LAMC1: variants seen among roughly 807,000 people sequenced by gnomAD.
LAMC1 encodes laminin subunit gamma 1.
In LAMC1, 38 loss-of-function variants were observed where a neutral mutation model predicts 173.6. That is an observed-to-expected ratio of 0.22 (90% CI 0.17 to 0.29). The LOEUF (loss-of-function observed/expected upper bound fraction) is 0.29. Among genes scored for constraint, LAMC1 ranks in the 10% least tolerant of loss-of-function variants. The pLI is 1.00. For missense variants in LAMC1, 1,824 were observed against 2,051.8 expected, an observed-to-expected ratio of 0.89 and a Z score of 2.14; for synonymous variants, 746 against 749.1, an observed-to-expected ratio of 1.00 and a Z score of 0.07.
At chr1:183,046,082 G>A (rs1324886885) in intron 1 of LAMC1, among the ~76,000 whole-genome samples, 1 of 151,914 alleles carries the variant, frequency 6.6e-6, no homozygotes, top group African/African-American at 2.4e-5. Flanking sequence ...GATATCTTTT[G>A]AACAAAATGT....
Position 183,124,934 on chromosome 1 carries a change from C to G in LAMC1, c.2647+58C>G. 4 of 1,576,856 alleles carry G rather than the reference C, an allele frequency of 2.5e-6. No individual in the cohort carries two copies. In the South Asian group the frequency reaches 4.6e-5, roughly 18 times the overall value. On this transcript the variant is annotated intron_variant, in intron 14 of 27. Coordinates refer to ENST00000258341, the MANE Select transcript of LAMC1 (RefSeq NM_002293.4). ...TAAATGCCCCTTTATTGTGAGAATT[C>G]TTGTGTGTCTCTTAAAATATGTATA...
At chr1:183,114,848 C>A (rs537685749) in intron 5 of LAMC1, 129 bp downstream of exon 5, 2 of 890,900 alleles carry the variant, frequency 2.2e-6, no homozygotes, top group East Asian at 2.6e-5. Flanking sequence ...ACACAGAAAT[C>A]AGTCAAGATC....
At chr1:183,096,944 A>G (rs1014031808) in intron 1 of LAMC1, among the ~76,000 whole-genome samples, 3 of 152,222 alleles carry the variant, frequency 2.0e-5, no homozygotes, top group South Asian at 2.1e-4. Context: ...ACTGCACTGT[A>G]CCAGACCATC....
intron 21 of LAMC1, among the ~76,000 whole-genome samples, chr1:183,132,929 A>G (rs1308718885): frequency 6.6e-6 from 1 of 152,038 alleles, no homozygotes; most frequent in Non-Finnish European, 1.5e-5. Flanking sequence ...TGTTTTTGTG[A>G]GATGAAGTCT....
In LAMC1 at chr1:183,142,837, G is replaced by A. The variant is rs746088066; in HGVS notation, c.*47G>A. On this transcript the variant is annotated 3_prime_UTR_variant, in exon 28 of 28. Coordinates refer to ENST00000258341, the MANE Select transcript of LAMC1 (RefSeq NM_002293.4). ...GCATCCCTCTGACAGGGGGGCAGTT[G>A]TGAGGCCACAGAGTGCCTTGACACA... 1.3e-6 allele frequency: 2 copies of A among 1,557,678 alleles called. No individual in the cohort carries two copies. Among genetic ancestry groups the A allele is most frequent in the African/African-American group, 2.7e-5 (2 of 73,246 alleles).
chr1:183,033,349 G>A (rs900260442), intron 1 of LAMC1, among the ~76,000 whole-genome samples: 3 of 152,152 alleles, frequency 2.0e-5, no homozygotes, highest in African/African-American at 4.8e-5. Flanking sequence ...GGGAAACCTG[G>A]GGAAGAGCTG....
At chr1:183,102,113 C>T (rs1381909693) in intron 1 of LAMC1, among the ~76,000 whole-genome samples, 6 of 152,110 alleles carry the variant, frequency 3.9e-5, no homozygotes, top group Admixed American at 2.0e-4. Flanking sequence ...GGACTCCAGC[C>T]GGCAGCCAGA....
intron 1 of LAMC1, among the ~76,000 whole-genome samples, chr1:183,029,190 G>A (rs187461311): frequency 6.6e-6 from 1 of 152,250 alleles, no homozygotes; most frequent in East Asian, 1.9e-4. Context: ...CCCACCAATC[G>A]TTACTATAAT....
chr1:183,103,412 A>G lies in LAMC1; in HGVS notation c.503A>G (p.Glu168Gly). 1.2e-6 allele frequency: 2 copies of G among 1,614,164 alleles called. No homozygotes were observed. Among genetic ancestry groups the G allele is most frequent in the Non-Finnish European group, 1.7e-6 (2 of 1,180,030 alleles). Reference protein sequence around the residue: ...ESFAIYKRTREDGPWIPYQYY... With the variant: ...ESFAIYKRTRGDGPWIPYQYY... ...TTTGCCATTTACAAGCGCACACGGG[A>G]AGACGGGCCCTGGATTCCTTACCAG... Residue 168 changes from glutamate (E) to glycine (G), a missense_variant, in exon 2 of 28, where the codon GAA (glutamate) becomes GGA (glycine). Glu to Gly is a moderately conservative substitution (Grantham distance 98). Transcript: ENST00000258341.
At chr1:183,101,711 T>C (rs1166730117) in intron 1 of LAMC1, among the ~76,000 whole-genome samples, 1 of 151,926 alleles carries the variant, frequency 6.6e-6, no homozygotes, top group East Asian at 1.9e-4. Context: ...AGAAATCATA[T>C]GGTTAGTAAA....
chr1:183,029,142 G>A (rs1167829707), intron 1 of LAMC1, among the ~76,000 whole-genome samples: 2 of 152,140 alleles, frequency 1.3e-5, no homozygotes, highest in South Asian at 2.1e-4. Flanking sequence ...CTGTGTGGTC[G>A]GTCGGTTCTG....
chr1:183,124,631 G>A lies in LAMC1; in HGVS notation c.2402G>A (p.Gly801Asp). Residue 801 changes from glycine (G) to aspartate (D), a missense_variant and splice_region_variant, in exon 14 of 28, where the codon GGT becomes GAT. Coordinates refer to ENST00000258341, the MANE Select transcript of LAMC1 (RefSeq NM_002293.4). ...TAACATCAGATTGTCTCATCCCCAG[G>A]TAAGAGATGTGAGCTCTGTGATGAT... ...VCTNCPTGTT[G>D]KRCELCDDGY... The A allele has an allele frequency of 2.5e-6, 4 of 1,614,192 alleles. No individual in the cohort carries two copies. Among genetic ancestry groups the A allele is most frequent in the Non-Finnish European group, 3.4e-6 (4 of 1,180,032 alleles).
chr1:183,127,552 TAAAA>T, intron 17 of LAMC1, 148 bp downstream of exon 17: 1 of 635,396 alleles, frequency 1.6e-6, no homozygotes, highest in Admixed American at 3.0e-5. Flanking sequence ...AGGCAAATAA[TAAAA>T]AATAAATAAA....
At chr1:183,049,234 G>A (rs913184454) in intron 1 of LAMC1, among the ~76,000 whole-genome samples, 1 of 152,068 alleles carries the variant, frequency 6.6e-6, no homozygotes, top group African/African-American at 2.4e-5. Flanking sequence ...GCCATCTATA[G>A]CATCCCCAGG....
chr1:183,065,171 A>G (rs1438561546), intron 1 of LAMC1, among the ~76,000 whole-genome samples: 1 of 152,210 alleles, frequency 6.6e-6, no homozygotes. Context: ...AGATAGGAAA[A>G]GGTACGGTAA....
chr1:183,127,183 C>T (rs1165430963), intron 16 of LAMC1, 43 bp from the exon 17 acceptor site: 3 of 1,568,012 alleles, frequency 1.9e-6, no homozygotes, highest in South Asian at 1.1e-5. Flanking sequence ...ATATACTCTT[C>T]CTTCTTTTGC....
chr1:183,046,711 T>C lies in LAMC1; in HGVS notation c.418+22577T>C, dbSNP rs114909468. Among the ~76,000 whole-genome samples the C allele has an allele frequency of 3.3e-3, 509 of 152,234 alleles. 1 individual carries two copies. The highest frequency in any genetic ancestry group is 5.6e-3 in the Non-Finnish European group (382 of 67,928). On this transcript the variant is annotated intron_variant, in intron 1 of 27. Transcript: ENST00000258341. ...TCTAATAATTTGTCTTTAGCTTCTA[T>C]TGGGTTTATATGTAGGTAGTCATCA...
chr1:183,129,162 T>C (rs1192221429), intron 18 of LAMC1, among the ~76,000 whole-genome samples: 2 of 144,364 alleles, frequency 1.4e-5, no homozygotes, highest in Non-Finnish European at 3.0e-5. Context: ...CTTGGCTCAC[T>C]GCAACCTCCA....
rs1656699484 is a variant in LAMC1 at position 183,128,843 on chromosome 1, C to CT, written c.3280+96dup. 5.8e-6 allele frequency: 6 copies of CT among 1,029,050 alleles called. No individual in the cohort carries two copies. In the Admixed American group the frequency reaches 1.2e-4, roughly 20 times the overall value. 63.7% of individuals were successfully genotyped at this position (1,029,050 alleles called of 1,614,324 possible). On this transcript the variant is annotated intron_variant, in intron 18 of 27. Coordinates refer to ENST00000258341, the MANE Select transcript of LAMC1 (RefSeq NM_002293.4). The stretch of plus-strand genomic sequence containing the variant: ...AAGGTTAGTATAGTTTTATAAAATT[C>CT]TTTCTCAGTTTTTAAACTACTCATA...
Sources: allele counts gnomAD v4.1 joint callset (sites outside exome capture counted in the v4.1 genomes callset), GRCh38; gene constraint gnomAD v4.1.1; transcripts MANE v1.5; gene names NCBI Gene and HGNC (gene_info 2026-07-23, HGNC 2026-07-21).